CDH23: variants seen among roughly 807,000 people sequenced by gnomAD.
The protein encoded by CDH23 is cadherin-23.
CDH23 carries 189 observed loss-of-function variants against 317.1 expected under a neutral mutation model. The observed-to-expected ratio is 0.60, with a 90% CI of 0.53 to 0.67. The LOEUF is 0.67. CDH23 is among the 30% of genes least tolerant of loss of function. CDH23 has a pLI of 0.00. For missense variants in CDH23, 4,401 were observed against 4,592.4 expected, an observed-to-expected ratio of 0.96 and a Z score of 1.20; for synonymous variants, 1,839 against 1,876.8, an observed-to-expected ratio of 0.98 and a Z score of 0.52.
intron 47 of CDH23, among the ~76,000 whole-genome samples, chr10:71,791,639 A>G (rs963766688): frequency 1.3e-5 from 2 of 151,282 alleles, no homozygotes; most frequent in African/African-American, 2.4e-5. Flanking sequence ...GCAATGGCAC[A>G]ATCTCGGCTC....
chr10:71,677,736 C>T, intron 16 of CDH23, 43 bp downstream of exon 16: 1 of 1,454,484 alleles, frequency 6.9e-7, no homozygotes, highest in African/African-American at 1.4e-5. Context: ...TTTATCTTAG[C>T]CTTCTCCCTG....
At chr10:71,633,573 C>T (rs770637653) in intron 11 of CDH23, among the ~76,000 whole-genome samples, 3 of 152,172 alleles carry the variant, frequency 2.0e-5, no homozygotes, top group African/African-American at 4.8e-5. Context: ...AGCCCAGGAC[C>T]TATTCCTTAA....
rs577554303 is a variant in CDH23, at chr10:71,490,974, C to T, written c.146-19108C>T. Among the ~76,000 whole-genome samples, 8 of 152,228 alleles carry T rather than the reference C, an allele frequency of 5.3e-5. No individual in the cohort carries two copies. In the South Asian group the frequency reaches 1.7e-3, roughly 32 times the overall value. On this transcript the variant is annotated intron_variant, in intron 3 of 69. Coordinates refer to ENST00000224721, the MANE Select transcript of CDH23 (RefSeq NM_022124.6). ...AAGAGGGGCTGAGATCACACCTCTG[C>T]ACTCCAGCCTGGACAACAGAGCGAG...
intron 6 of CDH23, among the ~76,000 whole-genome samples, chr10:71,550,573 A>G (rs1243477616): frequency 1.7e-5 from 2 of 114,306 alleles, no homozygotes; most frequent in Non-Finnish European, 3.7e-5. Context: ...AAAAAAAAAA[A>G]AAAAGAAAAA....
At chr10:71,715,777 A>G (rs1243953288) in intron 28 of CDH23, 2 of 590,674 alleles carry the variant, frequency 3.4e-6, no homozygotes, top group East Asian at 3.4e-5. Flanking sequence ...TCTTTGGGAA[A>G]GGGCGCTGGC....
intron 14 of CDH23, among the ~76,000 whole-genome samples, chr10:71,648,397 G>A (rs1281786926): frequency 3.3e-5 from 5 of 152,216 alleles, no homozygotes; most frequent in Non-Finnish European, 7.3e-5. Flanking sequence ...AGAGTGGAGG[G>A]GAGGCTCTGT....
chr10:71,688,424 T>A (rs1394605129), intron 19 of CDH23, among the ~76,000 whole-genome samples: 2 of 152,254 alleles, frequency 1.3e-5, no homozygotes, highest in East Asian at 3.9e-4. Flanking sequence ...GAGTTAGAGA[T>A]GCTGGAGCCA....
chr10:71,644,837 G>C (rs1862750265), intron 12 of CDH23, among the ~76,000 whole-genome samples: 1 of 152,238 alleles, frequency 6.6e-6, no homozygotes, highest in Non-Finnish European at 1.5e-5. Flanking sequence ...ACCTGCAAGA[G>C]AGGTCAGAAG....
At chr10:71,609,248 A>G (rs2132497617) in intron 9 of CDH23, among the ~76,000 whole-genome samples, 1 of 148,880 alleles carries the variant, frequency 6.7e-6, no homozygotes, top group Non-Finnish European at 1.5e-5. Flanking sequence ...CCCCAACATC[A>G]GACCTTCTAC....
intron 6 of CDH23, among the ~76,000 whole-genome samples, chr10:71,534,819 A>G (rs1230379991): frequency 1.3e-5 from 2 of 151,334 alleles, no homozygotes; most frequent in African/African-American, 4.9e-5. Context: ...TATTGCTCCA[A>G]ACCAAGAAGC....
At chr10:71,601,651 G>C (rs994393423) in intron 9 of CDH23, among the ~76,000 whole-genome samples, 2 of 152,156 alleles carry the variant, frequency 1.3e-5, no homozygotes, top group Admixed American at 1.3e-4. Context: ...GGAGGGTAAC[G>C]GGGTGCTGGG....
At chr10:71,425,683 C>T (rs1278482149) in intron 1 of CDH23, among the ~76,000 whole-genome samples, 1 of 152,186 alleles carries the variant, frequency 6.6e-6, no homozygotes, top group Non-Finnish European at 1.5e-5. Context: ...GGAGGAAGCT[C>T]TCTCTTCAGA....
chr10:71,809,781 G>C (rs920443299), intron 60 of CDH23, 39 bp from the exon 61 acceptor site: 4 of 1,595,156 alleles, frequency 2.5e-6, no homozygotes, highest in Non-Finnish European at 3.4e-6. Flanking sequence ...TCGGGGCACT[G>C]AGTCTCTGAG....
intron 9 of CDH23, among the ~76,000 whole-genome samples, chr10:71,610,992 A>G (rs1460714206): frequency 7.2e-6 from 1 of 138,994 alleles, no homozygotes; most frequent in Non-Finnish European, 1.5e-5. Context: ...CTGTCCACCC[A>G]GGGGAAGCAG....
Position 71,793,602 on chromosome 10 carries a change from C to T in CDH23, c.6674C>T (p.Pro2225Leu). Residue 2225 changes from proline to leucine, a missense_variant, in exon 48 of 70, where the codon CCC becomes CTC. By Grantham distance (98) the Pro-to-Leu change is moderately conservative (BLOSUM62 -3). Around this residue, in one of 3 missense-constraint regions of CDH23, gnomAD observed 3,068 missense variants for 3,203.3 expected, o/e 0.96. Transcript: ENST00000224721. ...VAKDDTDRLVPNQEDAFAVNI... is the reference protein window; with the variant it reads ...VAKDDTDRLVLNQEDAFAVNI... ...AAGGACGACACTGATCGCCTGGTGC[C>T]CAACCAGGAGGACGCCTTTGCTGTG... The T allele has an allele frequency of 6.2e-7, 1 of 1,606,368 alleles. No individual in the cohort carries two copies. The highest frequency in any genetic ancestry group is 8.5e-7 in the Non-Finnish European group (1 of 1,174,724).
intron 11 of CDH23, among the ~76,000 whole-genome samples, chr10:71,627,209 C>T (rs1861778660): frequency 6.6e-6 from 1 of 152,182 alleles, no homozygotes; most frequent in African/African-American, 2.4e-5. Flanking sequence ...AGCTTCAGCT[C>T]ACATTTCTAG....
intron 38 of CDH23, chr10:71,755,054 C>T (rs1840098120): frequency 1.9e-6 from 1 of 537,746 alleles, no homozygotes; most frequent in Non-Finnish European, 3.6e-6. Flanking sequence ...GTGGCAGCAA[C>T]TTGCTTTTAT....
chr10:71,415,003 C>T (rs1392222792), intron 1 of CDH23, among the ~76,000 whole-genome samples: 2 of 152,024 alleles, frequency 1.3e-5, no homozygotes, highest in African/African-American at 4.8e-5. Flanking sequence ...GTAAAATCTC[C>T]TTAATTGTCC....
intron 9 of CDH23, among the ~76,000 whole-genome samples, chr10:71,583,137 C>T (rs112228390): frequency 7.9e-5 from 12 of 151,634 alleles, no homozygotes; most frequent in Non-Finnish European, 1.2e-4. Flanking sequence ...GAAAGAGGGG[C>T]GGACAGGCAG....
Sources: allele counts gnomAD v4.1 joint callset (sites outside exome capture counted in the v4.1 genomes callset), GRCh38; gene constraint gnomAD v4.1.1; regional missense constraint gnomAD v4.1.1; transcripts MANE v1.5; gene names NCBI Gene and HGNC (gene_info 2026-07-23, HGNC 2026-07-21).